DNAH17: variants seen among roughly 807,000 people sequenced by gnomAD.
DNAH17 encodes the protein dynein axonemal heavy chain 17, also known as axonemal beta dynein heavy chain 17.
Under a neutral mutation model 485.6 loss-of-function variants are expected in DNAH17, and 376 were observed. The ratio of observed to expected loss-of-function variants is 0.77; its 90% CI spans 0.71 to 0.84. The LOEUF is 0.84. DNAH17 is among the 40% of genes least tolerant of loss of function. The pLI, the probability that DNAH17 is intolerant of heterozygous loss-of-function variation, is 0.00. For synonymous variants in DNAH17, 3,031 were observed against 2,405.9 expected (o/e 1.26, Z -7.60); for missense variants, 6,370 against 5,839.3 (o/e 1.09, Z -2.96).
intron 73 of DNAH17, 60 bp downstream of exon 73, chr17:78,439,030 A>G (rs375952479): frequency 2.7e-4 from 432 of 1,576,454 alleles, no homozygotes; most frequent in Non-Finnish European, 3.4e-4. Flanking sequence ...CTTCTGGCCC[A>G]TCCCCATTGG....
In DNAH17 at chr17:78,533,219, A is replaced by G. The variant is rs76576973; in HGVS notation, c.2860-483T>C. ...CACTGCGTACCACATGCTGGGATAG[A>G]TACTGGGGCACAGGCAGGGAGTGTA... On this transcript the variant is annotated intron_variant, in intron 19 of 80. Transcript: ENST00000389840. Among the ~76,000 whole-genome samples the G allele has an allele frequency of 5.4e-3, 821 of 152,326 alleles. 8 individuals are homozygous for G. Among genetic ancestry groups the G allele is most frequent in the African/African-American group, 0.018 (756 of 41,556 alleles).
chr17:78,550,196 T>G (rs1347625402), intron 16 of DNAH17, among the ~76,000 whole-genome samples: 1 of 152,222 alleles, frequency 6.6e-6, no homozygotes, highest in Non-Finnish European at 1.5e-5. Context: ...TAGAAGAATG[T>G]TACGACGTCC....
At chr17:78,547,308 T>C (rs2091790053) in intron 16 of DNAH17, among the ~76,000 whole-genome samples, 1 of 152,228 alleles carries the variant, frequency 6.6e-6, no homozygotes, top group Non-Finnish European at 1.5e-5. Context: ...AGGATGACTT[T>C]ACTGCTGCAT....
intron 31 of DNAH17, among the ~76,000 whole-genome samples, chr17:78,503,231 G>A (rs747982671): frequency 1.6e-3 from 212 of 133,854 alleles, no homozygotes; most frequent in Non-Finnish European, 2.3e-3. Context: ...CCAGGCTGGA[G>A]TGCAGTGGCA....
intron 75 of DNAH17, among the ~76,000 whole-genome samples, 185 bp downstream of exon 75, chr17:78,433,844 C>T (rs540056316): frequency 6.6e-6 from 1 of 151,116 alleles, no homozygotes; most frequent in Non-Finnish European, 1.5e-5. Flanking sequence ...ATGGTGCTGC[C>T]TTTCAAGTTC....
rs369767105 is a variant in DNAH17 at position 78,490,868 on chromosome 17, C to T, written c.6670-21G>A. The stretch of plus-strand genomic sequence containing the variant: ...AGGACCTAGGAGGGGGACAGCAGCC[C>T]GTGGGGTCCTAAGGCGACACCTGCC... On this transcript the variant is annotated intron_variant, in intron 43 of 80. Coordinates refer to ENST00000389840, the MANE Select transcript of DNAH17 (RefSeq NM_173628.4). 123 of 1,577,708 alleles carry T rather than the reference C, an allele frequency of 7.8e-5. No individual in the cohort carries two copies. In the South Asian group the frequency reaches 9.5e-4, roughly 12 times the overall value.
rs375971679 is a variant in DNAH17 at position 78,454,503 on chromosome 17, C to T, written c.10373G>A (p.Ser3458Asn). The T allele has an allele frequency of 1.3e-5, 21 of 1,613,360 alleles. No homozygotes were observed. The highest frequency in any genetic ancestry group is 1.7e-5 in the Non-Finnish European group (20 of 1,179,850). The change falls in exon 64 of 81, where the codon AGT (serine) becomes AAT (asparagine). Residue 3458 changes from serine (S) to asparagine (N), a missense_variant. Physicochemically the swap from Ser to Asn is conservative, Grantham distance 46. Transcript: ENST00000389840. The stretch of plus-strand genomic sequence containing the variant: ...TCCCAGGCGGATGGCTTTCAGTTCA[C>T]TCCTGTATTTGTTTTTGATCCACTT... ...GIKWIKNKYR[S>N]ELKAIRLGQK...
At chr17:78,457,325 C>A (rs944314747) in intron 62 of DNAH17, among the ~76,000 whole-genome samples, 2 of 151,892 alleles carry the variant, frequency 1.3e-5, no homozygotes, top group African/African-American at 4.8e-5. Flanking sequence ...GAGCCAAGAT[C>A]GTGCCACTGT....
chr17:78,564,092 G>C (rs888509383), intron 11 of DNAH17, among the ~76,000 whole-genome samples: 1 of 152,162 alleles, frequency 6.6e-6, no homozygotes, highest in Admixed American at 6.5e-5. Context: ...ATTCTGCAGA[G>C]GTCGGGTTGG....
intron 68 of DNAH17, chr17:78,450,035 G>C: frequency 1.7e-6 from 1 of 578,236 alleles, no homozygotes. Flanking sequence ...GAGCAGGGAG[G>C]AGGGAGCAGC....
intron 71 of DNAH17, among the ~76,000 whole-genome samples, chr17:78,441,782 CCTGAG>C (rs1316068869): frequency 6.6e-6 from 1 of 152,078 alleles, no homozygotes. Flanking sequence ...GAATGAATCA[CCTGAG>C]CTAAGATTAG....
intron 49 of DNAH17, among the ~76,000 whole-genome samples, chr17:78,480,360 A>G (rs2089297531): frequency 6.6e-6 from 1 of 151,576 alleles, no homozygotes; most frequent in African/African-American, 2.4e-5. Flanking sequence ...AAACAAAAAC[A>G]AAACAACAAA....
At chr17:78,437,924 G>C in intron 73 of DNAH17, 56 bp from the exon 74 acceptor site, 1 of 1,359,100 alleles carries the variant, frequency 7.4e-7, no homozygotes, top group Non-Finnish European at 1.0e-6. Flanking sequence ...GGCCCACGAG[G>C]AGAGACTGGC....
intron 44 of DNAH17, among the ~76,000 whole-genome samples, 186 bp downstream of exon 44, chr17:78,490,513 A>G (rs2089801283): frequency 6.6e-6 from 1 of 150,562 alleles, no homozygotes. Flanking sequence ...GCCTCGTGTC[A>G]CTGTGAATTT....
At chr17:78,497,669 T>C (rs985098956) in intron 37 of DNAH17, among the ~76,000 whole-genome samples, 1 of 152,146 alleles carries the variant, frequency 6.6e-6, no homozygotes, top group African/African-American at 2.4e-5. Context: ...CCTCCAGCCC[T>C]GGGGCTGGGG....
In DNAH17 at chr17:78,475,345, G is replaced by C; in HGVS notation, c.8444C>G (p.Ala2815Gly). 6.2e-7 allele frequency: 1 copy of C among 1,613,970 alleles called. No individual in the cohort carries two copies. The change falls in exon 54 of 81, where the codon GCG becomes GGG. Residue 2815 changes from alanine (A) to glycine (G), a missense_variant. Physicochemically the swap from Ala to Gly is moderately conservative, Grantham distance 60. Transcript: ENST00000389840. Reference protein sequence around the residue: ...SGKQSLSRLAAYISGLDVFQI... With the variant: ...SGKQSLSRLAGYISGLDVFQI... ...AAACACGTCAAGCCCGCTGATGTACGCTGCCAGGCGGGAGAGGCTCTGTTT... is the reference window on the plus strand; with the variant it reads ...AAACACGTCAAGCCCGCTGATGTACCCTGCCAGGCGGGAGAGGCTCTGTTT...
In DNAH17 at chr17:78,450,973, C is replaced by G. The variant is rs566819864; in HGVS notation, c.10735-127G>C. On this transcript the variant is annotated intron_variant, in intron 66 of 80. Transcript: ENST00000389840. ...TGAGCGGGAGGAACGAGCTCAGGTC[C>G]TGGAAGGGGCTGCAGAAGCAGAGCC... 9.0e-4 allele frequency: 1,070 copies of G among 1,194,226 alleles called. 19 individuals are homozygous for G. The South Asian group carries it at 0.015, about 16-fold the overall frequency. The allele number at this position is 1,194,226 out of a possible 1,614,324, so 74.0% of individuals were successfully genotyped here.
At chr17:78,445,940 AG>A (rs2087271284) in intron 69 of DNAH17, among the ~76,000 whole-genome samples, 1 of 150,350 alleles carries the variant, frequency 6.7e-6, no homozygotes. Context: ...GAGGCCGAGG[AG>A]GGGGTGGATC....
chr17:78,459,403 G>A lies in DNAH17; in HGVS notation c.9654-195C>T, dbSNP rs578041757. Among the ~76,000 whole-genome samples the A allele has an allele frequency of 4.6e-5, 7 of 152,284 alleles. No individual in the cohort carries two copies. The South Asian group carries it at 1.4e-3, about 32-fold the overall frequency. On this transcript the variant is annotated intron_variant, in intron 60 of 80. Coordinates refer to ENST00000389840, the MANE Select transcript of DNAH17 (RefSeq NM_173628.4). ...ACTCCCATTACCCCACAGTGGCATTGCCCAGTTTTCCAAGTCGGGCACCAG... is the reference window on the plus strand; with the variant it reads ...ACTCCCATTACCCCACAGTGGCATTACCCAGTTTTCCAAGTCGGGCACCAG...
Sources: allele counts gnomAD v4.1 joint callset (sites outside exome capture counted in the v4.1 genomes callset), GRCh38; gene constraint gnomAD v4.1.1; transcripts MANE v1.5; gene names NCBI Gene and HGNC (gene_info 2026-07-23, HGNC 2026-07-21).